The following MINDY4 variants were observed in gnomAD, a reference collection of about 807,000 sequenced individuals.
The protein encoded by MINDY4 is probable ubiquitin carboxyl-terminal hydrolase MINDY-4.
Under a neutral mutation model 87.0 loss-of-function variants are expected in MINDY4, and 68 were observed. The observed-to-expected ratio is 0.78, with a 90% CI of 0.64 to 0.96. The LOEUF is 0.96. Ranked by LOEUF, MINDY4 falls within the 40% of genes least tolerant of loss-of-function variation. The pLI is 0.00. For synonymous variants in MINDY4, 379 were observed against 363.2 expected (o/e 1.04, Z -0.50); for missense variants, 919 against 928.2 (o/e 0.99, Z 0.13).
chr7:30,803,961 C>T (rs1350716594), intron 5 of MINDY4, among the ~76,000 whole-genome samples: 2 of 152,194 alleles, frequency 1.3e-5, no homozygotes, highest in Non-Finnish European at 2.9e-5. Flanking sequence ...TGGGGCCTGA[C>T]ATAGAGAGAG....
At chr7:30,859,951 C>G (rs1212106312) in intron 13 of MINDY4, among the ~76,000 whole-genome samples, 1 of 152,196 alleles carries the variant, frequency 6.6e-6, no homozygotes, top group African/African-American at 2.4e-5. Context: ...TTGCTAGGAG[C>G]TTTTTAGGCC....
intron 11 of MINDY4, among the ~76,000 whole-genome samples, chr7:30,852,685 A>C (rs1037185183): frequency 1.3e-5 from 2 of 152,196 alleles, no homozygotes; most frequent in Non-Finnish European, 2.9e-5. Flanking sequence ...CTTTAATAGC[A>C]TGGAACACCA....
In MINDY4 at chr7:30,771,436, C is replaced by T; in HGVS notation, c.-58C>T. 3.2e-6 allele frequency: 5 copies of T among 1,558,158 alleles called. No homozygotes were observed. In the South Asian group the frequency reaches 5.9e-5, roughly 18 times the overall value. On this transcript the variant is annotated 5_prime_UTR_variant, in exon 1 of 18. Transcript: ENST00000265299. Reference sequence around the variant, plus strand: ...GCGGCCATACTGCGCCGGACAGACCCAGTTGCCTGGTGCTGCGGCCCGGCG... The same window carrying T: ...GCGGCCATACTGCGCCGGACAGACCTAGTTGCCTGGTGCTGCGGCCCGGCG...
intron 5 of MINDY4, among the ~76,000 whole-genome samples, chr7:30,812,303 GA>G (rs893684827): frequency 3.8e-4 from 57 of 149,154 alleles, no homozygotes; most frequent in Non-Finnish European, 7.1e-4. Context: ...TGCATTGAGA[GA>G]AAAAAAAAGT....
At chr7:30,876,113 G>A (rs1182665055) in intron 15 of MINDY4, among the ~76,000 whole-genome samples, 4 of 152,046 alleles carry the variant, frequency 2.6e-5, no homozygotes, top group Non-Finnish European at 4.4e-5. Flanking sequence ...GTGTCAGAAA[G>A]GCCATGCTCC....
chr7:30,878,135 C>T (rs1790336257), intron 15 of MINDY4, among the ~76,000 whole-genome samples: 1 of 152,076 alleles, frequency 6.6e-6, no homozygotes. Context: ...TCTGGCCTGG[C>T]CTGGCCCTCT....
At chr7:30,828,398 C>G (rs937220046) in intron 5 of MINDY4, among the ~76,000 whole-genome samples, 5 of 151,982 alleles carry the variant, frequency 3.3e-5, no homozygotes, top group Non-Finnish European at 5.9e-5. Context: ...ACATGCAGTG[C>G]TTGGCAAACG....
chr7:30,789,800 T>A (rs1175753558), intron 4 of MINDY4, among the ~76,000 whole-genome samples: 1 of 152,256 alleles, frequency 6.6e-6, no homozygotes, highest in African/African-American at 2.4e-5. Flanking sequence ...CTGGTAGGTC[T>A]GTTTTTGTCT....
At chr7:30,808,843 G>T (rs1310996378) in intron 5 of MINDY4, among the ~76,000 whole-genome samples, 1 of 151,854 alleles carries the variant, frequency 6.6e-6, no homozygotes, top group African/African-American at 2.4e-5. Flanking sequence ...CAATGGCTGA[G>T]ACAACAGCAG....
intron 8 of MINDY4, 76 bp from the exon 9 acceptor site, chr7:30,840,684 G>C: frequency 7.5e-7 from 1 of 1,334,988 alleles, no homozygotes; most frequent in Non-Finnish European, 1.1e-6. Context: ...GGTGGGTTCT[G>C]GGGTGGGTTT....
At chr7:30,863,185 G>A (rs1177919175) in intron 13 of MINDY4, among the ~76,000 whole-genome samples, 1 of 152,198 alleles carries the variant, frequency 6.6e-6, no homozygotes, top group Non-Finnish European at 1.5e-5. Context: ...CCATTTCAGG[G>A]CAATCTGTTA....
At chr7:30,837,618 C>T (rs1239882568) in intron 7 of MINDY4, among the ~76,000 whole-genome samples, 1 of 152,084 alleles carries the variant, frequency 6.6e-6, no homozygotes, top group Non-Finnish European at 1.5e-5. Flanking sequence ...TGGCCCCAAA[C>T]CTGGGAGGAG....
chr7:30,841,369 C>A (rs1789032647), intron 9 of MINDY4, among the ~76,000 whole-genome samples: 1 of 152,272 alleles, frequency 6.6e-6, no homozygotes, highest in South Asian at 2.1e-4. Flanking sequence ...TGGAACATCT[C>A]TGTGCAGGCA....
chr7:30,853,479 C>T lies in MINDY4; in HGVS notation c.1677+20C>T, dbSNP rs748024641. On this transcript the variant is annotated intron_variant, in intron 12 of 17. Coordinates refer to ENST00000265299, the MANE Select transcript of MINDY4 (RefSeq NM_032222.3). ...CATCAGGTATGAAGCATGCCTTACT[C>T]CTGTGGGATGTGCGTCACTAAGCCT... The T allele has an allele frequency of 9.4e-6, 15 of 1,591,424 alleles. No individual in the cohort carries two copies. The African/African-American group carries it at 1.9e-4, about 20-fold the overall frequency.
chr7:30,859,076 T>G (rs1307243726), intron 12 of MINDY4, 181 bp from the exon 13 acceptor site: 2 of 717,674 alleles, frequency 2.8e-6, no homozygotes, highest in Admixed American at 4.0e-5. Context: ...GTCATTCAGG[T>G]TGTTGCAATG....
rs370693145 is a variant in MINDY4, at chr7:30,837,799, G to T, written c.1239+1035G>T. Among the ~76,000 whole-genome samples the T allele has an allele frequency of 8.5e-5, 13 of 152,346 alleles. 1 individual carries two copies. The highest frequency in any genetic ancestry group is 3.1e-4 in the African/African-American group (13 of 41,572). ...GCCCAGGGCACGTGGCCTCTGGAAAGCAGAGTCCAGGTTCCCAGGCTCTGT... is the reference window on the plus strand; with the variant it reads ...GCCCAGGGCACGTGGCCTCTGGAAATCAGAGTCCAGGTTCCCAGGCTCTGT... On this transcript the variant is annotated intron_variant, in intron 7 of 17. Coordinates refer to ENST00000265299, the MANE Select transcript of MINDY4 (RefSeq NM_032222.3).
chr7:30,791,894 T>G (rs1562532235), intron 5 of MINDY4, among the ~76,000 whole-genome samples: 1 of 152,066 alleles, frequency 6.6e-6, no homozygotes, highest in African/African-American at 2.4e-5. Context: ...AAAAAAAAAT[T>G]GCAAAAAAAA....
In MINDY4 at chr7:30,850,530, G is replaced by A. The variant is rs2128570893; in HGVS notation, c.1522G>A (p.Gly508Ser). The A allele has an allele frequency of 6.2e-7, 1 of 1,607,970 alleles. No homozygotes were observed. Among genetic ancestry groups the A allele is most frequent in the Non-Finnish European group, 8.5e-7 (1 of 1,177,246 alleles). Reference sequence around the variant, plus strand: ...CGCAGACATTGTGTGGCGGGCAGGGGGCCGAGAGAGAGCCGTTGTTGCACT... The same window carrying A: ...CGCAGACATTGTGTGGCGGGCAGGGAGCCGAGAGAGAGCCGTTGTTGCACT... The part of the protein sequence containing the change: ...ALADIVWRAG[G>S]RERAVVALAS... The change falls in exon 10 of 18, where the codon GGC (glycine) becomes AGC (serine). Residue 508 changes from glycine to serine, a missense_variant. Physicochemically the swap from Gly to Ser is moderately conservative, Grantham distance 56. Transcript: ENST00000265299.
At chr7:30,886,774 C>G (rs1378598750) in intron 17 of MINDY4, among the ~76,000 whole-genome samples, 1 of 152,236 alleles carries the variant, frequency 6.6e-6, no homozygotes, top group Non-Finnish European at 1.5e-5. Flanking sequence ...TGCTGTGACG[C>G]AAACCTCGGC....
Sources: gnomAD v4.1 joint callset for allele counts (sites outside exome capture counted in the v4.1 genomes callset) on GRCh38, gnomAD v4.1.1 for gene constraint, MANE v1.5 for transcripts, NCBI Gene and HGNC (gene_info 2026-07-23, HGNC 2026-07-21) for gene names.